CNTFR: variants seen among roughly 807,000 people sequenced by gnomAD.
CNTFR encodes ciliary neurotrophic factor receptor subunit alpha.
A neutral mutation model predicts 40.4 loss-of-function variants in CNTFR; 12 were observed. That is an observed-to-expected ratio of 0.30 (90% CI 0.19 to 0.48). The LOEUF (loss-of-function observed/expected upper bound fraction) is 0.48. CNTFR is among the 20% of genes least tolerant of loss of function. CNTFR has a pLI of 0.99. For synonymous variants in CNTFR, 202 were observed against 209.6 expected (o/e 0.96, Z 0.31); for missense variants, 414 against 506.8 (o/e 0.82, Z 1.76).
chr9:34,567,535 C>T (rs1464784532), intron 3 of CNTFR, among the ~76,000 whole-genome samples: 1 of 152,110 alleles, frequency 6.6e-6, no homozygotes, highest in African/African-American at 2.4e-5. Flanking sequence ...GATGGTAACA[C>T]CTGATACGAG....
chr9:34,571,449 G>C (rs1826634946), intron 2 of CNTFR: 1 of 152,352 alleles, frequency 6.6e-6, no homozygotes. Context: ...GCTGAGGTTA[G>C]ATCCAAGGAT....
chr9:34,558,449 G>C (rs1825939547), intron 4 of CNTFR, among the ~76,000 whole-genome samples: 1 of 152,228 alleles, frequency 6.6e-6, no homozygotes, highest in Non-Finnish European at 1.5e-5. Context: ...ACTTCCCTCA[G>C]TAGAGACAGA....
Position 34,556,315 on chromosome 9 carries a change from C to A in CNTFR, c.708G>T (p.Glu236Asp). Residue 236 changes from glutamate (E) to aspartate (D), a missense_variant, in exon 7 of 10, where the codon GAG becomes GAT. Physicochemically the swap from Glu to Asp is conservative, Grantham distance 45 (BLOSUM62 2). Coordinates refer to ENST00000378980, the MANE Select transcript of CNTFR (RefSeq NM_147164.3). ...GCAGAAAGAACTTGAGAGGAAAAGA[C>A]TCAGGGTCAGGCCAGGTCGAGGGGG... ...WQTPSTWPDP[E>D]SFPLKFFLRY... is the part of the protein sequence containing the mutation. 1 of 1,613,910 alleles carries A rather than the reference C, an allele frequency of 6.2e-7. No homozygotes were observed. Among genetic ancestry groups the A allele is most frequent in the Non-Finnish European group, 8.5e-7 (1 of 1,179,980 alleles).
At chr9:34,584,726 T>C (rs752275132) in intron 1 of CNTFR, among the ~76,000 whole-genome samples, 5 of 151,938 alleles carry the variant, frequency 3.3e-5, no homozygotes, top group Non-Finnish European at 7.4e-5. Context: ...CACCACCACA[T>C]AGGGAAAAAA....
chr9:34,558,002 A>G lies in CNTFR; in HGVS notation c.320-18T>C. Reference sequence around the variant, plus strand: ...CGGCGGCACTGGGGGTGAGGACAGTATGGTCAGGGCATTCTTGGAGCTCCC... The same window carrying G: ...CGGCGGCACTGGGGGTGAGGACAGTGTGGTCAGGGCATTCTTGGAGCTCCC... On this transcript the variant is annotated intron_variant, in intron 4 of 9. Coordinates refer to ENST00000378980, the MANE Select transcript of CNTFR (RefSeq NM_147164.3). 1.3e-6 allele frequency: 2 copies of G among 1,510,956 alleles called. No individual in the cohort carries two copies. Among genetic ancestry groups the G allele is most frequent in the Non-Finnish European group, 1.8e-6 (2 of 1,123,596 alleles). 93.6% of individuals were successfully genotyped at this position (1,510,956 alleles called of 1,614,324 possible).
At chr9:34,565,371 C>G (rs770905747) in intron 3 of CNTFR, among the ~76,000 whole-genome samples, 32 of 152,054 alleles carry the variant, frequency 2.1e-4, no homozygotes, top group South Asian at 4.1e-4. Flanking sequence ...GTCTCTACCC[C>G]CCACCTCCCC....
rs377664646 is a variant in CNTFR, at chr9:34,557,750, G to T, written c.438-58C>A. On this transcript the variant is annotated intron_variant, in intron 5 of 9. Coordinates refer to ENST00000378980, the MANE Select transcript of CNTFR (RefSeq NM_147164.3). This position sits in a 1 kb window ranked among gnomAD's most constrained non-coding sequence, Gnocchi z 4.2. ...AACATCAAGGGTCAGGTGGGGCAGA[G>T]GTTGAGGAAAGGTCAAGCCCAAGGC... 40 of 1,606,050 alleles carry T rather than the reference G, an allele frequency of 2.5e-5. No homozygotes were observed. In the African/African-American group the frequency reaches 5.1e-4, roughly 20 times the overall value.
chr9:34,585,571 GAC>G (rs1168289635), intron 1 of CNTFR, among the ~76,000 whole-genome samples: 12 of 152,322 alleles, frequency 7.9e-5, no homozygotes, highest in Non-Finnish European at 1.3e-4. Context: ...TAGCTCTGGT[GAC>G]CCCCAACCGG....
At chr9:34,569,006 G>T (rs1182284060) in intron 2 of CNTFR, 25 bp from the exon 3 acceptor site, 1 of 1,562,494 alleles carries the variant, frequency 6.4e-7, no homozygotes. Flanking sequence ...CGGGGTGGGG[G>T]AGGGGTCAGC....
intron 2 of CNTFR, among the ~76,000 whole-genome samples, chr9:34,573,360 G>A (rs1018218229): frequency 1.3e-5 from 2 of 152,202 alleles, no homozygotes; most frequent in Non-Finnish European, 2.9e-5. Context: ...TTGTGTGTGC[G>A]GGTTGATCTG....
chr9:34,564,803 C>T lies in CNTFR; in HGVS notation c.115G>A (p.Gly39Ser). Residue 39 changes from glycine (G) to serine (S), a missense_variant, in exon 4 of 10, where the codon GGC (glycine) becomes AGC (serine). Coordinates refer to ENST00000378980, the MANE Select transcript of CNTFR (RefSeq NM_147164.3). ...CCACATGGCAGTGTCACGTCAGAGC[C>T]CAGGCGCTCGTACTGCACATGGGGT... ...EAPHVQYERL[G>S]SDVTLPCGTA... is the part of the protein sequence containing the mutation. 6.2e-7 allele frequency: 1 copy of T among 1,613,772 alleles called. No individual in the cohort carries two copies. The highest frequency in any genetic ancestry group is 8.5e-7 in the Non-Finnish European group (1 of 1,179,954).
chr9:34,575,434 G>C (rs937706086), intron 2 of CNTFR, among the ~76,000 whole-genome samples: 2 of 152,150 alleles, frequency 1.3e-5, no homozygotes, highest in African/African-American at 2.4e-5. Flanking sequence ...CTTAGCAGGG[G>C]GGTGGGGTAA....
intron 2 of CNTFR, 94 bp from the exon 3 acceptor site, chr9:34,569,075 A>C: frequency 8.1e-7 from 1 of 1,228,508 alleles, no homozygotes; most frequent in African/African-American, 1.5e-5. Context: ...AGACTGGGAA[A>C]TCCCAGCCCT....
At chr9:34,585,511 C>T (rs1564077566) in intron 1 of CNTFR, among the ~76,000 whole-genome samples, 1 of 152,202 alleles carries the variant, frequency 6.6e-6, no homozygotes, top group African/African-American at 2.4e-5. Flanking sequence ...CTAACTCTTC[C>T]TCAACGCCTG....
chr9:34,586,649 T>A (rs1185628721), intron 1 of CNTFR, among the ~76,000 whole-genome samples: 2 of 152,152 alleles, frequency 1.3e-5, no homozygotes, highest in African/African-American at 4.8e-5. Flanking sequence ...TGCATTGACA[T>A]GGCACACGGA....
At chr9:34,563,960 G>A (rs777306876) in intron 4 of CNTFR, among the ~76,000 whole-genome samples, 4 of 152,152 alleles carry the variant, frequency 2.6e-5, no homozygotes, top group Admixed American at 1.3e-4. Context: ...TCTGCCCCCC[G>A]TCCCTTCCTT....
In CNTFR at chr9:34,564,852, A is replaced by G; in HGVS notation, c.86-20T>C. Reference sequence around the variant, plus strand: ...GTGCCTCTGTGGGGGGTGGGGGCACAGGGCAAAAGTCACAGGTCACAGCCC... The same window carrying G: ...GTGCCTCTGTGGGGGGTGGGGGCACGGGGCAAAAGTCACAGGTCACAGCCC... On this transcript the variant is annotated intron_variant, in intron 3 of 9. Transcript: ENST00000378980. The G allele has an allele frequency of 6.2e-7, 1 of 1,607,412 alleles. No individual in the cohort carries two copies.
intron 4 of CNTFR, among the ~76,000 whole-genome samples, chr9:34,559,152 CA>C: frequency 6.6e-6 from 1 of 152,274 alleles, no homozygotes; most frequent in African/African-American, 2.4e-5. Context: ...CGCAATAAGC[CA>C]GGGACAGTGA....
At chr9:34,579,274 C>CG (rs1298132695) in intron 2 of CNTFR, among the ~76,000 whole-genome samples, 1 of 151,884 alleles carries the variant, frequency 6.6e-6, no homozygotes, top group African/African-American at 2.4e-5. Flanking sequence ...GGGCTTGGAT[C>CG]AATCCGTCCG....
Sources: allele counts gnomAD v4.1 joint callset (sites outside exome capture counted in the v4.1 genomes callset), GRCh38; gene constraint gnomAD v4.1.1; non-coding constraint Gnocchi (gnomAD v3.1); transcripts MANE v1.5; gene names NCBI Gene and HGNC (gene_info 2026-07-23, HGNC 2026-07-21).